MPP1: variants seen among roughly 807,000 people sequenced by gnomAD.
MPP1 encodes MAGUK p55 scaffold protein 1, also known as 55 kDa erythrocyte membrane protein.
In MPP1, 6 loss-of-function variants were observed where a neutral mutation model predicts 38.2. The observed-to-expected ratio is 0.16, with a 90% confidence interval of 0.09 to 0.31. MPP1 has a LOEUF of 0.31. Among genes scored for constraint, MPP1 ranks in the 10% least tolerant of loss-of-function variants. The pLI, the probability that MPP1 is intolerant of heterozygous loss-of-function variation, is 1.00. For missense variants in MPP1, 293 were observed against 368.9 expected, an observed-to-expected ratio of 0.79 and a Z score of 1.69; for synonymous variants, 153 against 146.3, an observed-to-expected ratio of 1.05 and a Z score of -0.33.
chrX:154,798,820 C>T (rs1028667578), intron 1 of MPP1, among the ~76,000 whole-genome samples: 2 of 111,404 alleles, frequency 1.8e-5, no homozygotes, highest in Non-Finnish European at 3.8e-5. Flanking sequence ...CCACAACTTC[C>T]GCCTCCTGGA....
At chrX:154,799,146 G>A (rs1192963819) in intron 1 of MPP1, among the ~76,000 whole-genome samples, 1 of 112,279 alleles carries the variant, frequency 8.9e-6, no homozygotes, top group Non-Finnish European at 1.9e-5. Context: ...AGCTGGAAAA[G>A]TTCAAGAGTT....
At chrX:154,781,109 G>T in intron 11 of MPP1, 130 bp downstream of exon 11, 1 of 574,802 alleles carries the variant, frequency 1.7e-6, no homozygotes. Flanking sequence ...TGGCTTCTTG[G>T]CCCTGGAGGA....
Position 154,781,385 on chromosome X carries a change from CATAGCTGTCATA to C in MPP1, c.1150-84_1150-73del. On this transcript the variant is annotated intron_variant, in intron 10 of 11. Coordinates refer to ENST00000369534, the MANE Select transcript of MPP1 (RefSeq NM_002436.4). ...AAGGAAAGTGAAAAAAAAAAACCTA[CATAGCTGTCATA>C]ATGGATTCCTTCTAATAAGCAGCTT... 3.4e-6 allele frequency: 3 copies of C among 874,174 alleles called. No homozygotes were observed. The East Asian group carries it at 9.4e-5, about 27-fold the overall frequency. The allele number at this position is 874,174 out of a possible 1,213,427, so 72.0% of individuals were successfully genotyped here.
At chrX:154,791,713 A>C in intron 3 of MPP1, 56 bp downstream of exon 3, 1 of 1,048,011 alleles carries the variant, frequency 9.5e-7, no homozygotes, top group Non-Finnish European at 1.3e-6. Flanking sequence ...ACCACTGAAC[A>C]GGGAGTAAAT....
intron 11 of MPP1, among the ~76,000 whole-genome samples, chrX:154,779,883 T>G: frequency 8.8e-6 from 1 of 113,011 alleles, no homozygotes. Context: ...CACATCTGGC[T>G]AATTTTTGTA....
intron 9 of MPP1, 55 bp downstream of exon 9, chrX:154,783,372 T>C: frequency 1.3e-6 from 1 of 745,150 alleles, no homozygotes; most frequent in Non-Finnish European, 1.9e-6. Flanking sequence ...GTATTTCAGA[T>C]GGCGAGTGGT....
At chrX:154,783,956 T>G in intron 8 of MPP1, 72 bp downstream of exon 8, 1 of 988,271 alleles carries the variant, frequency 1.0e-6, no homozygotes, top group Non-Finnish European at 1.4e-6. Flanking sequence ...CACTGCCTTT[T>G]TTGGGGGTGG....
At chrX:154,780,851 CCTCT>C (rs1388746456) in intron 11 of MPP1, among the ~76,000 whole-genome samples, 10 of 109,669 alleles carry the variant, frequency 9.1e-5, no homozygotes, top group African/African-American at 3.3e-4. Flanking sequence ...ATATTCCTGG[CCTCT>C]CTGTCTTTCC....
At chrX:154,790,487 C>T (rs1456924392) in intron 4 of MPP1, among the ~76,000 whole-genome samples, 3 of 105,460 alleles carry the variant, frequency 2.8e-5, no homozygotes, top group East Asian at 3.0e-4. Flanking sequence ...GCCGAGATCA[C>T]GCCATTGTAC....
intron 5 of MPP1, 117 bp from the exon 6 acceptor site, chrX:154,786,517 A>G: frequency 1.6e-6 from 1 of 642,390 alleles, no homozygotes; most frequent in Non-Finnish European, 2.4e-6. Context: ...GGAGGTAAGA[A>G]TGGTGGGGGA....
chrX:154,781,477 C>T (rs2072000137), intron 10 of MPP1, 123 bp downstream of exon 10: 1 of 855,221 alleles, frequency 1.2e-6, no homozygotes, highest in Admixed American at 2.5e-5. Context: ...GTTCTTGTTC[C>T]AGGCTGACCC....
intron 1 of MPP1, among the ~76,000 whole-genome samples, chrX:154,804,087 A>AT (rs1557268911): frequency 8.9e-6 from 1 of 112,172 alleles, no homozygotes; most frequent in Non-Finnish European, 1.9e-5. Flanking sequence ...CGAGTGGAAT[A>AT]TAAAGGGTAA....
intron 7 of MPP1, 71 bp downstream of exon 7, chrX:154,784,980 G>T: frequency 1.0e-6 from 1 of 989,450 alleles, no homozygotes; most frequent in Non-Finnish European, 1.4e-6. Context: ...CCCCTTTTCT[G>T]CTGGTTACAG....
intron 11 of MPP1, among the ~76,000 whole-genome samples, chrX:154,780,905 C>T (rs1230956615): frequency 8.9e-6 from 1 of 111,854 alleles, no homozygotes; most frequent in African/African-American, 3.3e-5. Context: ...TCAGTGCCAC[C>T]TCTGTCCATC....
Position 154,781,648 on chromosome X carries a change from G to C in MPP1, c.1101C>G (p.His367Gln). Reference sequence around the variant, plus strand: ...CAATCTTGTTCTGCTTATGGATCTGGTGCACTGTTTCAAATTTGGTGCCAA... The same window carrying C: ...CAATCTTGTTCTGCTTATGGATCTGCTGCACTGTTTCAAATTTGGTGCCAA... Reference protein sequence around the residue: ...NMFGTKFETVHQIHKQNKIAI... With the variant: ...NMFGTKFETVQQIHKQNKIAI... The change falls in exon 10 of 12, where the codon CAC becomes CAG. Residue 367 changes from histidine (H) to glutamine (Q), a missense_variant. Transcript: ENST00000369534. 8.3e-7 allele frequency: 1 copy of C among 1,211,535 alleles called. No homozygotes were observed. Among genetic ancestry groups the C allele is most frequent in the Non-Finnish European group, 1.1e-6 (1 of 895,537 alleles).
intron 5 of MPP1, among the ~76,000 whole-genome samples, chrX:154,786,673 A>G (rs2072078307): frequency 9.0e-6 from 1 of 110,729 alleles, no homozygotes; most frequent in Non-Finnish European, 1.9e-5. Context: ...AGGCGGGTGG[A>G]ACACATGAGG....
At position 154,805,441 on chromosome X, in the gene MPP1, C is replaced by A; in HGVS notation, c.-68G>T. The A allele has an allele frequency of 9.7e-7, 1 of 1,027,538 alleles. No homozygotes were observed. Among genetic ancestry groups the A allele is most frequent in the Admixed American group, 2.7e-5 (1 of 36,836 alleles). 84.7% of individuals were successfully genotyped at this position (1,027,538 alleles called of 1,213,427 possible). On this transcript the variant is annotated 5_prime_UTR_variant, in exon 1 of 12. Coordinates refer to ENST00000369534, the MANE Select transcript of MPP1 (RefSeq NM_002436.4). The stretch of plus-strand genomic sequence containing the variant: ...TGGGAATGACAGGGCCCGGGGCCTG[C>A]GGGGCTGCGGAGAAGGCGGGAGACG...
In MPP1 at chrX:154,805,428, G is replaced by C. The variant is rs1286596060; in HGVS notation, c.-55C>G. 6.5e-6 allele frequency: 7 copies of C among 1,076,163 alleles called. No individual in the cohort carries two copies. In the Admixed American group the frequency reaches 1.6e-4, roughly 24 times the overall value. The allele number at this position is 1,076,163 out of a possible 1,213,427, so 88.7% of individuals were successfully genotyped here. A position where few individuals can be genotyped will look rare whatever the true frequency, so the allele number is the denominator to read the frequency against. On this transcript the variant is annotated 5_prime_UTR_variant, in exon 1 of 12. Transcript: ENST00000369534. ...GACAGGGCAGCGCTGGGAATGACAGGGCCCGGGGCCTGCGGGGCTGCGGAG... is the reference window on the plus strand; with the variant it reads ...GACAGGGCAGCGCTGGGAATGACAGCGCCCGGGGCCTGCGGGGCTGCGGAG...
intron 4 of MPP1, 139 bp downstream of exon 4, chrX:154,790,844 A>C: frequency 7.8e-6 from 4 of 510,243 alleles, no homozygotes; most frequent in Non-Finnish European, 1.3e-5. Context: ...TTTCTTACAC[A>C]GATTAAAGAC....
Sources: gnomAD v4.1 joint callset for allele counts (sites outside exome capture counted in the v4.1 genomes callset) on GRCh38, gnomAD v4.1.1 for gene constraint, MANE v1.5 for transcripts, NCBI Gene and HGNC (gene_info 2026-07-23, HGNC 2026-07-21) for gene names.